NELL1: variants seen among roughly 807,000 people sequenced by gnomAD.
NELL1 encodes the protein protein kinase C-binding protein NELL1.
In NELL1, 76 loss-of-function variants were observed where a neutral mutation model predicts 107.4. The observed-to-expected ratio is 0.71, with a 90% confidence interval of 0.59 to 0.86. NELL1 has a LOEUF of 0.86. Among genes scored for constraint, NELL1 ranks in the 40% least tolerant of loss-of-function variants. The probability of loss-of-function intolerance (pLI) is 0.00; values close to 1 mark genes in which losing one functional copy is unlikely to be tolerated. For missense variants in NELL1, 1,024 were observed against 1,005.5 expected, an observed-to-expected ratio of 1.02 and a Z score of -0.25; for synonymous variants, 353 against 341.2, an observed-to-expected ratio of 1.03 and a Z score of -0.38.
chr11:21,032,453 G>A (rs756696103), intron 12 of NELL1, among the ~76,000 whole-genome samples: 3 of 152,172 alleles, frequency 2.0e-5, no homozygotes, highest in South Asian at 2.1e-4. Context: ...GCAGTGGCAC[G>A]TCTCAGCTCA....
rs567731207 is a variant in NELL1 at position 21,193,103 on chromosome 11, G to A, written c.1427-36229G>A. On this transcript the variant is annotated intron_variant, in intron 13 of 19. Coordinates refer to ENST00000357134, the MANE Select transcript of NELL1 (RefSeq NM_006157.5). ...CCTATTCTTTTAAACGTGAGGTATT[G>A]CAGGATAGGTGAGGGGGGAAATCTG... is the stretch of plus-strand genomic sequence containing the variant. Among the ~76,000 whole-genome samples the A allele has an allele frequency of 7.2e-4, 109 of 151,924 alleles. 3 individuals carry two copies. Among genetic ancestry groups the A allele is most frequent in the African/African-American group, 2.6e-3 (107 of 41,230 alleles).
chr11:21,534,597 A>G (rs1456017271), intron 16 of NELL1, 83 bp downstream of exon 16: 6 of 1,426,034 alleles, frequency 4.2e-6, no homozygotes, highest in Non-Finnish European at 5.9e-6. Flanking sequence ...TTCAGCTCCC[A>G]GTGTTAAAAT....
intron 3 of NELL1, among the ~76,000 whole-genome samples, chr11:20,826,064 T>C (rs183884701): frequency 6.6e-6 from 1 of 151,352 alleles, no homozygotes; most frequent in African/African-American, 2.4e-5. Flanking sequence ...CCTACCACCA[T>C]GTGAAGAAGG....
At chr11:20,930,495 A>AT (rs1308682034) in intron 9 of NELL1, among the ~76,000 whole-genome samples, 3 of 152,068 alleles carry the variant, frequency 2.0e-5, no homozygotes, top group African/African-American at 7.2e-5. Context: ...TGATATCTAG[A>AT]TTGTTTCCCA....
chr11:21,217,623 G>A (rs2133867908), intron 13 of NELL1, among the ~76,000 whole-genome samples: 1 of 152,234 alleles, frequency 6.6e-6, no homozygotes, highest in East Asian at 1.9e-4. Context: ...TGTGCTTATA[G>A]GAAAAGTGCC....
At chr11:21,368,622 C>A (rs1424341024) in intron 14 of NELL1, among the ~76,000 whole-genome samples, 1 of 151,888 alleles carries the variant, frequency 6.6e-6, no homozygotes, top group Non-Finnish European at 1.5e-5. Flanking sequence ...CTATCAGATA[C>A]CTCCATGAAA....
At chr11:21,139,156 A>G (rs1448914176) in intron 13 of NELL1, among the ~76,000 whole-genome samples, 1 of 152,196 alleles carries the variant, frequency 6.6e-6, no homozygotes, top group Non-Finnish European at 1.5e-5. Context: ...ATCTTAAAGT[A>G]GGGAAGAGGA....
intron 12 of NELL1, among the ~76,000 whole-genome samples, chr11:21,067,614 G>A (rs1215816679): frequency 6.6e-6 from 1 of 152,170 alleles, no homozygotes; most frequent in Non-Finnish European, 1.5e-5. Flanking sequence ...GAAGGAGTCT[G>A]AAAACTAACT....
At chr11:21,447,522 A>C (rs1853464058) in intron 15 of NELL1, among the ~76,000 whole-genome samples, 1 of 152,120 alleles carries the variant, frequency 6.6e-6, no homozygotes, top group Non-Finnish European at 1.5e-5. Flanking sequence ...TCCACCTGGA[A>C]TAGGGCCTAC....
At chr11:21,035,484 A>T (rs74989972) in intron 12 of NELL1, among the ~76,000 whole-genome samples, 3,553 of 151,832 alleles carry the variant, frequency 0.023, 137 homozygotes, top group African/African-American at 0.08. Flanking sequence ...AAAAAAAAAA[A>T]AAAATAAAAC....
intron 13 of NELL1, among the ~76,000 whole-genome samples, chr11:21,121,259 T>G (rs1430049834): frequency 1.3e-5 from 2 of 152,098 alleles, no homozygotes; most frequent in East Asian, 3.9e-4. Flanking sequence ...GAAAAAAGAT[T>G]CCATAGAACT....
chr11:20,900,280 C>G (rs529013812), intron 5 of NELL1, among the ~76,000 whole-genome samples: 3 of 152,244 alleles, frequency 2.0e-5, no homozygotes, highest in Admixed American at 1.3e-4. Context: ...TGTGCATGGC[C>G]TTTTGAGGCC....
intron 2 of NELL1, among the ~76,000 whole-genome samples, chr11:20,729,379 T>C (rs1219257253): frequency 6.6e-6 from 1 of 152,170 alleles, no homozygotes; most frequent in Non-Finnish European, 1.5e-5. Context: ...TTTATTATCT[T>C]GTGACAGTTC....
intron 13 of NELL1, among the ~76,000 whole-genome samples, chr11:21,151,112 T>C (rs11025947): frequency 0.31 from 46,881 of 151,968 alleles, 7,886 homozygotes; most frequent in East Asian, 0.56. Flanking sequence ...CATAATTTGA[T>C]GTGAGATTTG....
intron 14 of NELL1, among the ~76,000 whole-genome samples, chr11:21,242,262 G>A (rs1858382419): frequency 6.6e-6 from 1 of 152,026 alleles, no homozygotes; most frequent in African/African-American, 2.4e-5. Context: ...CAGTGATTCA[G>A]GAATACAGTC....
intron 5 of NELL1, among the ~76,000 whole-genome samples, chr11:20,892,234 T>G (rs2134117080): frequency 6.6e-6 from 1 of 152,304 alleles, no homozygotes; most frequent in Middle Eastern, 3.4e-3. Flanking sequence ...CACAATTTCA[T>G]GAAATCTGAA....
chr11:21,106,944 A>C (rs1302309466), intron 12 of NELL1, among the ~76,000 whole-genome samples: 1 of 152,154 alleles, frequency 6.6e-6, no homozygotes, highest in African/African-American at 2.4e-5. Flanking sequence ...TTCTCATCTG[A>C]AAAAGGGAAG....
At chr11:21,439,374 G>A (rs1009217829) in intron 15 of NELL1, among the ~76,000 whole-genome samples, 3 of 152,072 alleles carry the variant, frequency 2.0e-5, no homozygotes, top group Non-Finnish European at 4.4e-5. Flanking sequence ...CCAAGAACTG[G>A]GTGAGTTGGT....
chr11:21,000,358 G>C (rs1256634609), intron 12 of NELL1, among the ~76,000 whole-genome samples: 1 of 152,148 alleles, frequency 6.6e-6, no homozygotes, highest in African/African-American at 2.4e-5. Flanking sequence ...CTACTTAAGG[G>C]AACCTTTATG....
Sources: allele counts gnomAD v4.1 joint callset (sites outside exome capture counted in the v4.1 genomes callset), GRCh38; gene constraint gnomAD v4.1.1; transcripts MANE v1.5; gene names NCBI Gene and HGNC (gene_info 2026-07-23, HGNC 2026-07-21).